ABL2: variants seen among roughly 807,000 people sequenced by gnomAD.
ABL2 encodes ABL proto-oncogene 2, non-receptor tyrosine kinase.
ABL2 carries 49 observed loss-of-function variants against 107.7 expected under a neutral mutation model. The observed-to-expected ratio is 0.45, with a 90% CI of 0.36 to 0.58. The LOEUF (loss-of-function observed/expected upper bound fraction) is 0.58. Among genes scored for constraint, ABL2 ranks in the 20% least tolerant of loss-of-function variants. ABL2 has a pLI of 0.00. For missense variants in ABL2, 1,245 were observed against 1,457.0 expected, an observed-to-expected ratio of 0.85 and a Z score of 2.37; for synonymous variants, 549 against 548.6, an observed-to-expected ratio of 1.00 and a Z score of -0.01.
Position 179,126,723 on chromosome 1 carries a change from T to G in ABL2, c.392-51A>C, listed in dbSNP as rs749694137. 17 of 1,520,250 alleles carry G rather than the reference T, an allele frequency of 1.1e-5. No individual in the cohort carries two copies. Among genetic ancestry groups the G allele is most frequent in the Non-Finnish European group, 1.5e-5 (17 of 1,115,974 alleles). 94.2% of individuals were successfully genotyped at this position (1,520,250 alleles called of 1,614,324 possible). ...AAAGAAACGATGTTAAGACTTTATT[T>G]CAACTGAAGCAGTGTACTGTCAAAC... On this transcript the variant is annotated intron_variant, in intron 3 of 11. Transcript: ENST00000502732. This position sits in a 1 kb window ranked among gnomAD's most constrained non-coding sequence, Gnocchi z 4.4.
intron 1 of ABL2, among the ~76,000 whole-genome samples, chr1:179,208,166 C>T (rs894279948): frequency 4.6e-5 from 7 of 151,952 alleles, no homozygotes; most frequent in African/African-American, 1.7e-4. Context: ...ATTTTTTCAA[C>T]TTTTAAGTTC....
At chr1:179,217,060 C>A (rs1662602157) in intron 1 of ABL2, among the ~76,000 whole-genome samples, 1 of 151,808 alleles carries the variant, frequency 6.6e-6, no homozygotes, top group African/African-American at 2.4e-5. Flanking sequence ...CTTTGGGAGG[C>A]CAAGGCAGGC....
At chr1:179,115,083 T>G in intron 8 of ABL2, 53 bp from the exon 9 acceptor site, 1 of 1,513,168 alleles carries the variant, frequency 6.6e-7, no homozygotes, top group Non-Finnish European at 8.9e-7. Context: ...ATTATTTATT[T>G]TACATAATTA....
At chr1:179,208,012 T>C (rs1222496544) in intron 1 of ABL2, among the ~76,000 whole-genome samples, 1 of 152,168 alleles carries the variant, frequency 6.6e-6, no homozygotes, top group African/African-American at 2.4e-5. Context: ...AGTTATCTAC[T>C]TTCCCTTTAT....
In ABL2 at chr1:179,099,972, CCT is replaced by C. The variant is rs779471460; in HGVS notation, c.*7744_*7745del. The C allele has an allele frequency of 8.6e-6, 2 of 232,654 alleles. No homozygotes were observed. The highest frequency in any genetic ancestry group is 1.7e-5 in the Non-Finnish European group (2 of 117,696). The allele number at this position is 232,654 out of a possible 1,614,324, so 14.4% of individuals were successfully genotyped here. A position where few individuals can be genotyped will look rare whatever the true frequency, so the allele number is the denominator to read the frequency against. On this transcript the variant is annotated 3_prime_UTR_variant, in exon 12 of 12. Transcript: ENST00000502732. ...CATCCAAGGAAAGATCTGAGCGATT[CCT>C]CTTTTACTTACTCCCCCTTTCTTAA...
chr1:179,148,814 T>G (rs1206566705), intron 1 of ABL2, among the ~76,000 whole-genome samples: 1 of 151,020 alleles, frequency 6.6e-6, no homozygotes, highest in African/African-American at 2.4e-5. Context: ...GCAGTAGAAT[T>G]GCTTGAACCT....
chr1:179,143,288 C>T (rs886570063), intron 1 of ABL2, among the ~76,000 whole-genome samples: 1 of 152,148 alleles, frequency 6.6e-6, no homozygotes, highest in Non-Finnish European at 1.5e-5. Context: ...TCTCTGAGAA[C>T]ACTTTTAAAA....
At chr1:179,177,230 C>T (rs1660102156) in intron 1 of ABL2, among the ~76,000 whole-genome samples, 1 of 152,068 alleles carries the variant, frequency 6.6e-6, no homozygotes, top group African/African-American at 2.4e-5. Flanking sequence ...AAAAACAAGC[C>T]AACAAACACT....
intron 1 of ABL2, among the ~76,000 whole-genome samples, chr1:179,219,848 T>C (rs1399234707): frequency 6.6e-6 from 1 of 152,220 alleles, no homozygotes; most frequent in Admixed American, 6.5e-5. Flanking sequence ...ATGATAACAA[T>C]AGCAGTGCTT....
intron 8 of ABL2, chr1:179,116,899 C>G: frequency 4.8e-6 from 1 of 207,094 alleles, no homozygotes; most frequent in South Asian, 8.4e-5. Flanking sequence ...GTGGCGCCAT[C>G]TTGGCTCACT....
At chr1:179,181,946 A>AT (rs34828452) in intron 1 of ABL2, among the ~76,000 whole-genome samples, 26,449 of 91,306 alleles carry the variant, frequency 0.29, 3,972 homozygotes, top group East Asian at 0.41. Context: ...AGGCCCGGCT[A>AT]TTTTTTTTTT....
chr1:179,119,812 C>G (rs1453832181), intron 6 of ABL2, among the ~76,000 whole-genome samples: 1 of 152,158 alleles, frequency 6.6e-6, no homozygotes, highest in Non-Finnish European at 1.5e-5. Context: ...AACTTTGAAT[C>G]TGGGGCAATT....
rs1396096182 is a variant in ABL2, at chr1:179,102,315, T to C, written c.*5403A>G. 3.1e-5 allele frequency: 6 copies of C among 191,404 alleles called. No individual in the cohort carries two copies. Among genetic ancestry groups the C allele is most frequent in the South Asian group, 1.9e-4 (1 of 5,142 alleles). The allele number at this position is 191,404 out of a possible 1,614,324, so 11.9% of individuals were successfully genotyped here. On this transcript the variant is annotated 3_prime_UTR_variant, in exon 12 of 12. Transcript: ENST00000502732. The stretch of plus-strand genomic sequence containing the variant: ...CGTGAGCCACCGCACCCGGCCAGAA[T>C]TTCTTTAAGTCTAGTAGTTGGAAAA...
intron 1 of ABL2, among the ~76,000 whole-genome samples, chr1:179,169,103 T>C (rs1013214232): frequency 2.0e-5 from 3 of 152,094 alleles, no homozygotes; most frequent in Non-Finnish European, 2.9e-5. Flanking sequence ...TGCCTAATTC[T>C]TTCAGAGAGT....
At chr1:179,122,868 C>T (rs1328960353) in intron 4 of ABL2, among the ~76,000 whole-genome samples, 1 of 152,048 alleles carries the variant, frequency 6.6e-6, no homozygotes, top group African/African-American at 2.4e-5. Context: ...CCATGTTAGC[C>T]AGGCTGGTCA....
chr1:179,201,833 G>T, intron 1 of ABL2: 1 of 1,194,998 alleles, frequency 8.4e-7, no homozygotes, highest in South Asian at 1.4e-5. Context: ...TTAACATGGT[G>T]ACAGAAGAAG....
intron 1 of ABL2, among the ~76,000 whole-genome samples, chr1:179,138,175 T>C (rs1431211177): frequency 6.6e-6 from 1 of 152,218 alleles, no homozygotes; most frequent in Non-Finnish European, 1.5e-5. Flanking sequence ...CTCAGTTACT[T>C]TGATTACAGC....
chr1:179,109,583 A>T, intron 11 of ABL2, 142 bp from the exon 12 acceptor site: 3 of 1,309,460 alleles, frequency 2.3e-6, no homozygotes, highest in Non-Finnish European at 2.0e-6. Flanking sequence ...TAATAAATAC[A>T]TTATCATTTC....
chr1:179,134,558 C>A (rs1348606357), intron 1 of ABL2, among the ~76,000 whole-genome samples: 3 of 152,110 alleles, frequency 2.0e-5, no homozygotes, highest in Non-Finnish European at 4.4e-5. Context: ...TCTGCGAACA[C>A]CTACTTTCCT....
Sources: allele counts gnomAD v4.1 joint callset (sites outside exome capture counted in the v4.1 genomes callset), GRCh38; gene constraint gnomAD v4.1.1; non-coding constraint Gnocchi (gnomAD v3.1); transcripts MANE v1.5; gene names NCBI Gene and HGNC (gene_info 2026-07-23, HGNC 2026-07-21).